The following MAPK10 variants were observed in gnomAD, a reference collection of about 807,000 sequenced individuals.
The protein encoded by MAPK10 is JNK3 alpha protein kinase.
MAPK10 carries 25 observed loss-of-function variants against 59.3 expected under a neutral mutation model. That is an observed-to-expected ratio of 0.42 (90% CI 0.31 to 0.59). MAPK10 has a LOEUF of 0.59. MAPK10 is among the 20% of genes least tolerant of loss of function. MAPK10 has a pLI of 0.15. For missense variants in MAPK10, 351 were observed against 568.9 expected, an observed-to-expected ratio of 0.62 and a Z score of 3.90; for synonymous variants, 190 against 200.5, an observed-to-expected ratio of 0.95 and a Z score of 0.44.
At chr4:86,037,951 T>C (rs1370537577) in intron 11 of MAPK10, among the ~76,000 whole-genome samples, 2 of 152,246 alleles carry the variant, frequency 1.3e-5, no homozygotes, top group East Asian at 3.8e-4. Flanking sequence ...TCTGTTCCAA[T>C]TTTCTGTCAG....
intron 1 of MAPK10, among the ~76,000 whole-genome samples, chr4:86,447,262 G>A (rs776062651): frequency 2.0e-5 from 3 of 152,156 alleles, no homozygotes; most frequent in South Asian, 2.1e-4. Context: ...TTCCCACTTC[G>A]CTTTGCTTTC....
At position 86,057,049 on chromosome 4, in the gene MAPK10, T is replaced by C. The variant is rs904321094; in HGVS notation, c.1110+7217A>G. Among the ~76,000 whole-genome samples the C allele has an allele frequency of 3.4e-5, 5 of 148,872 alleles. 1 individual carries two copies. The highest frequency in any genetic ancestry group is 5.9e-5 in the Non-Finnish European group (4 of 67,372). ...TGCGATCTCGGCTCACTGCAACTTC[T>C]GTCTCCCGGGTTCAAGCGATTCTCC... On this transcript the variant is annotated intron_variant, in intron 11 of 13. Transcript: ENST00000641462.
At chr4:86,228,220 T>A (rs545457548) in intron 2 of MAPK10, among the ~76,000 whole-genome samples, 2 of 152,148 alleles carry the variant, frequency 1.3e-5, no homozygotes, top group East Asian at 3.9e-4. Flanking sequence ...GAGAGTTTGA[T>A]AAAGGAAATG....
chr4:86,098,234 T>C (rs1427601600), intron 9 of MAPK10, among the ~76,000 whole-genome samples: 1 of 152,202 alleles, frequency 6.6e-6, no homozygotes, highest in Non-Finnish European at 1.5e-5. Flanking sequence ...TTTTAATCAT[T>C]TGGGATCTGG....
chr4:86,014,306 GTGTGT>G lies in MAPK10; in HGVS notation c.*2917_*2921del, dbSNP rs1560493112. 10 of 67,230 alleles carry G rather than the reference GTGTGT, an allele frequency of 1.5e-4. No individual in the cohort carries two copies. In the East Asian group the frequency reaches 2.0e-3, roughly 13 times the overall value. The allele number at this position is 67,230 out of a possible 1,614,324, so 4.2% of individuals were successfully genotyped here. The stretch of plus-strand genomic sequence containing the variant: ...TGACTATTTAAGAAATATTTGGGGT[GTGTGT>G]GTGTGTGTGTGTGTGTGTGTGTGTG... On this transcript the variant is annotated 3_prime_UTR_variant, in exon 14 of 14. Transcript: ENST00000641462.
Position 86,538,138 on chromosome 4 carries a change from C to A in MAPK10, c.-263+55772G>T, listed in dbSNP as rs529162238. On this transcript the variant is annotated intron_variant, in intron 1 of 4. Coordinates refer to the MAPK10 transcript ENST00000502302. ...TCCCACATTGTGTTAATTACTATAG[C>A]CTTATAATAAATCTTTTTTTTTTTT... Among the ~76,000 whole-genome samples, 19 of 150,762 alleles carry A rather than the reference C, an allele frequency of 1.3e-4. No individual in the cohort carries two copies. The South Asian group carries it at 4.0e-3, about 32-fold the overall frequency.
At chr4:86,467,148 G>A (rs1321017646) in intron 1 of MAPK10, among the ~76,000 whole-genome samples, 1 of 152,182 alleles carries the variant, frequency 6.6e-6, no homozygotes, top group African/African-American at 2.4e-5. Flanking sequence ...CATTCAAATT[G>A]TTAACCAAAA....
At chr4:86,514,433 T>C (rs1756506096) in intron 1 of MAPK10, among the ~76,000 whole-genome samples, 1 of 152,212 alleles carries the variant, frequency 6.6e-6, no homozygotes, top group Non-Finnish European at 1.5e-5. Context: ...TCTCTGAATA[T>C]ATACATAGTT....
intron 1 of MAPK10, among the ~76,000 whole-genome samples, chr4:86,487,384 TA>T (rs1319219399): frequency 6.7e-5 from 10 of 148,470 alleles, no homozygotes; most frequent in South Asian, 2.2e-4. Context: ...TGTGTGTGTG[TA>T]GAGAGAGAAA....
intron 11 of MAPK10, among the ~76,000 whole-genome samples, chr4:86,039,881 T>C (rs962891423): frequency 1.3e-5 from 2 of 152,020 alleles, no homozygotes; most frequent in African/African-American, 4.8e-5. Context: ...CCCAACCCTA[T>C]AGACCCACCC....
At chr4:86,088,336 G>A (rs1350856588) in intron 9 of MAPK10, among the ~76,000 whole-genome samples, 1 of 151,982 alleles carries the variant, frequency 6.6e-6, no homozygotes, top group African/African-American at 2.4e-5. Flanking sequence ...CTTTCACCGT[G>A]CCCGGCTAAA....
chr4:86,106,481 T>G lies in MAPK10; in HGVS notation c.366+742A>C, dbSNP rs28433471. 5.4e-3 allele frequency among the ~76,000 whole-genome samples: 810 copies of G among 149,518 alleles called. 8 individuals carry two copies. Among genetic ancestry groups the G allele is most frequent in the African/African-American group, 0.018 (760 of 41,180 alleles). ...ATGTATTTGATGTATTTATTATAAT[T>G]TATTTATTAATAAAAGTTATTAAAA... On this transcript the variant is annotated intron_variant, in intron 5 of 13. Coordinates refer to ENST00000641462, the MANE Select transcript of MAPK10 (RefSeq NM_138982.4).
At chr4:86,256,777 G>C (rs1349804792) in intron 2 of MAPK10, among the ~76,000 whole-genome samples, 3 of 107,932 alleles carry the variant, frequency 2.8e-5, no homozygotes, top group Non-Finnish European at 1.7e-5. Context: ...GTCTCTCTCT[G>C]TCGCCCAGGC....
In MAPK10 at chr4:86,487,360, A is replaced by AGTGTGTGTGTGT. The variant is rs1344194192; in HGVS notation, c.-263+106549_-263+106550insACACACACACAC. Among the ~76,000 whole-genome samples the AGTGTGTGTGTGT allele has an allele frequency of 2.0e-3, 66 of 33,052 alleles. No homozygotes were observed. In the East Asian group the frequency reaches 0.022, roughly 11 times the overall value. The allele number at this position is 33,052 out of a possible 152,430, so 21.7% of individuals were successfully genotyped here. A position where few individuals can be genotyped will look rare whatever the true frequency, so the allele number is the denominator to read the frequency against. On this transcript the variant is annotated intron_variant, in intron 1 of 4. Transcript: ENST00000502302. ...AAAATAGTTCATAAAAGAGAGAGAG[A>AGTGTGTGTGTGT]GAGTGTGTGTGTGTGTGTGTGTGTA...
intron 1 of MAPK10, among the ~76,000 whole-genome samples, chr4:86,483,989 G>T (rs1197842789): frequency 6.6e-6 from 1 of 152,126 alleles, no homozygotes. Context: ...AAGAGAGCAG[G>T]CTTCCAAAGG....
chr4:86,544,238 A>G (rs1265305698), intron 1 of MAPK10, among the ~76,000 whole-genome samples: 1 of 152,240 alleles, frequency 6.6e-6, no homozygotes, highest in African/African-American at 2.4e-5. Context: ...CTAAGCAGAA[A>G]ATAATTGTCT....
At chr4:86,292,143 T>A (rs1262885542) in intron 2 of MAPK10, among the ~76,000 whole-genome samples, 1 of 152,230 alleles carries the variant, frequency 6.6e-6, no homozygotes, top group Non-Finnish European at 1.5e-5. Context: ...GTCTAATTAT[T>A]AGAGTAAGAA....
chr4:86,122,926 G>T (rs139555992), intron 4 of MAPK10, among the ~76,000 whole-genome samples: 51 of 151,978 alleles, frequency 3.4e-4, no homozygotes, highest in African/African-American at 1.2e-3. Flanking sequence ...GTTTGTTCTT[G>T]CTTCAATTTT....
chr4:86,351,396 AACACACAC>A (rs142964843), intron 2 of MAPK10, among the ~76,000 whole-genome samples: 166 of 132,538 alleles, frequency 1.3e-3, no homozygotes, highest in Admixed American at 3.1e-3. Flanking sequence ...TGTATACACA[AACACACAC>A]ACACACACAC....
Sources: gnomAD v4.1 joint callset for allele counts (sites outside exome capture counted in the v4.1 genomes callset) on GRCh38, gnomAD v4.1.1 for gene constraint, MANE v1.5 for transcripts, NCBI Gene and HGNC (gene_info 2026-07-23, HGNC 2026-07-21) for gene names.